The following ATP1A1 variants were observed in gnomAD, a reference collection of about 807,000 sequenced individuals.
ATP1A1 encodes the protein ATPase Na+/K+ transporting subunit alpha 1, also known as sodium/potassium-transporting ATPase subunit alpha-1.
A neutral mutation model predicts 114.8 loss-of-function variants in ATP1A1; 14 were observed. The observed-to-expected ratio is 0.12, with a 90% CI of 0.08 to 0.19. The LOEUF (loss-of-function observed/expected upper bound fraction) is 0.19, where lower values mean the gene tolerates loss of function less well. Among genes scored for constraint, ATP1A1 ranks in the 10% least tolerant of loss-of-function variants. ATP1A1 has a pLI of 1.00. For synonymous variants in ATP1A1, 471 were observed against 466.3 expected (o/e 1.01, Z -0.13); for missense variants, 524 against 1,290.7 (o/e 0.41, Z 9.10).
At chr1:116,394,970 C>G in intron 12 of ATP1A1, 140 bp from the exon 13 acceptor site, 1 of 794,798 alleles carries the variant, frequency 1.3e-6, no homozygotes, top group Non-Finnish European at 2.0e-6. Context: ...AAAACCCTCA[C>G]TCTGTTATAA....
rs1652250432 is a variant in ATP1A1, at chr1:116,388,572, T to A, written c.502-66T>A. The A allele has an allele frequency of 5.2e-6, 8 of 1,527,364 alleles. No individual in the cohort carries two copies. In the South Asian group the frequency reaches 8.6e-5, roughly 16 times the overall value. The allele number at this position is 1,527,364 out of a possible 1,614,324, so 94.6% of individuals were successfully genotyped here. On this transcript the variant is annotated intron_variant, in intron 5 of 22. Transcript: ENST00000295598. The surrounding 1 kb of genome is among the most constrained non-coding windows in gnomAD (Gnocchi z 5.6). Reference sequence around the variant, plus strand: ...ATTAGGATTATGACTATTTTTATTTTCTTGTTTTGGACACTACCTTCTCTT... The same window carrying A: ...ATTAGGATTATGACTATTTTTATTTACTTGTTTTGGACACTACCTTCTCTT...
Position 116,373,586 on chromosome 1 carries a change from C to A in ATP1A1, c.12+63C>A. On this transcript the variant is annotated intron_variant, in intron 1 of 22. Coordinates refer to ENST00000295598, the MANE Select transcript of ATP1A1 (RefSeq NM_000701.8). ...GCCCTCGAGGGGAAGAGGAGGAAGT[C>A]GGGAGGGCGACCGCGGCCAGCGGGA... 3.7e-6 allele frequency: 5 copies of A among 1,351,342 alleles called. No homozygotes were observed. The South Asian group carries it at 5.2e-5, about 14-fold the overall frequency. 83.7% of individuals were successfully genotyped at this position (1,351,342 alleles called of 1,614,324 possible).
rs1481305606 is a variant in ATP1A1 at position 116,384,492 on chromosome 1, A to G, written c.124-291A>G. 6.6e-6 allele frequency among the ~76,000 whole-genome samples: 1 copy of G among 152,180 alleles called. No homozygotes were observed. The highest frequency in any genetic ancestry group is 1.5e-5 in the Non-Finnish European group (1 of 68,030). On this transcript the variant is annotated intron_variant, in intron 2 of 22. Transcript: ENST00000295598. This position sits in a 1 kb window ranked among gnomAD's most constrained non-coding sequence, Gnocchi z 5.1. ...GACCTGGTCATCAGAGAAGGCAGAT[A>G]AGGTTTTACTAGATCCCTGAGAGCT...
At position 116,388,294 on chromosome 1, in the gene ATP1A1, A is replaced by G. The variant is rs775187399; in HGVS notation, c.501+50A>G. ...AGTGGATGACTTGACAGCCCCAAGC[A>G]TGTCAGCCTGTGAATTAGTGTGAAG... is the stretch of plus-strand genomic sequence containing the variant. On this transcript the variant is annotated intron_variant, in intron 5 of 22. Transcript: ENST00000295598. This position sits in a 1 kb window ranked among gnomAD's most constrained non-coding sequence, Gnocchi z 5.6. The G allele has an allele frequency of 2.4e-5, 34 of 1,400,834 alleles. No individual in the cohort carries two copies. The highest frequency in any genetic ancestry group is 3.2e-5 in the Non-Finnish European group (32 of 987,506). 86.8% of individuals were successfully genotyped at this position (1,400,834 alleles called of 1,614,324 possible). A position where few individuals can be genotyped will look rare whatever the true frequency, so the allele number is the denominator to read the frequency against.
At position 116,385,189 on chromosome 1, in the gene ATP1A1, GA is replaced by G. The variant is rs1221565043; in HGVS notation, c.183+349del. 3.8e-6 allele frequency: 1 copy of G among 262,256 alleles called. No homozygotes were observed. Among genetic ancestry groups the G allele is most frequent in the African/African-American group, 2.3e-5 (1 of 42,970 alleles). 16.2% of individuals were successfully genotyped at this position (262,256 alleles called of 1,614,324 possible). A position where few individuals can be genotyped will look rare whatever the true frequency, so the allele number is the denominator to read the frequency against. ...TTTTCTACATTTGTTAAATAGAGTT[GA>G]ATCTTTCACCTAGTTGAATCTTCAA... On this transcript the variant is annotated intron_variant, in intron 3 of 22. Coordinates refer to ENST00000295598, the MANE Select transcript of ATP1A1 (RefSeq NM_000701.8). The surrounding 1 kb of genome is among the most constrained non-coding windows in gnomAD (Gnocchi z 4.3).
At chr1:116,374,183 G>T (rs1275894961) in intron 1 of ATP1A1, 5 of 1,550,300 alleles carry the variant, frequency 3.2e-6, no homozygotes, top group Non-Finnish European at 4.4e-6. Flanking sequence ...GTGCGAAGCC[G>T]GCTGGGCGGG....
chr1:116,374,339 AT>A (rs1055706813), intron 1 of ATP1A1: 16 of 1,534,818 alleles, frequency 1.0e-5, no homozygotes, highest in South Asian at 3.6e-5. Flanking sequence ...AGGCGTGCAG[AT>A]TTTTTTTGAA....
intron 1 of ATP1A1, among the ~76,000 whole-genome samples, chr1:116,383,073 C>A (rs1049580455): frequency 6.6e-6 from 1 of 152,132 alleles, no homozygotes; most frequent in Non-Finnish European, 1.5e-5. Flanking sequence ...GTGGAACAAT[C>A]TAAATTTAAA....
chr1:116,386,042 CT>C (rs926663761), intron 3 of ATP1A1: 12 of 137,532 alleles, frequency 8.7e-5, no homozygotes, highest in African/African-American at 3.2e-4. Flanking sequence ...AGGAGAACTG[CT>C]TAAACCTGGG....
In ATP1A1 at chr1:116,389,563, C is replaced by T. The variant is rs1652306324; in HGVS notation, c.879C>T (p.His293=). 1 of 1,614,116 alleles carries T rather than the reference C, an allele frequency of 6.2e-7. No individual in the cohort carries two copies. Among genetic ancestry groups the T allele is most frequent in the South Asian group, 1.1e-5 (1 of 91,094 alleles). Residue 293 remains histidine, a synonymous_variant, in exon 8 of 23, where the codon CAC becomes CAT. Coordinates refer to ENST00000295598, the MANE Select transcript of ATP1A1 (RefSeq NM_000701.8). This position sits in a 1 kb window ranked among gnomAD's most constrained non-coding sequence, Gnocchi z 6.9. Reference sequence around the variant, plus strand: ...CTGCAGAAATTGAACATTTTATCCACATCATCACGGGTGTGGCTGTGTTCC... The same window carrying T: ...CTGCAGAAATTGAACATTTTATCCATATCATCACGGGTGTGGCTGTGTTCC... The part of the protein sequence containing the change: ...PIAAEIEHFI[H]IITGVAVFLG...
Position 116,373,369 on chromosome 1 carries a change from CT to C in ATP1A1, c.-142del. The C allele has an allele frequency of 2.1e-6, 1 of 485,898 alleles. No individual in the cohort carries two copies. The highest frequency in any genetic ancestry group is 3.3e-6 in the Non-Finnish European group (1 of 299,822). The allele number at this position is 485,898 out of a possible 1,614,324, so 30.1% of individuals were successfully genotyped here. A position where few individuals can be genotyped will look rare whatever the true frequency, so the allele number is the denominator to read the frequency against. On this transcript the variant is annotated 5_prime_UTR_variant, in exon 1 of 23. Transcript: ENST00000295598. ...GCATCGGCCCGAGCCGCCGGCCGCC[CT>C]CCCACCCTCCCGCCCCGCGGCAGCC...
In ATP1A1 at chr1:116,404,036, G is replaced by T. The variant is rs76876899; in HGVS notation, c.3043+61G>T. ...AGTGGGAGGGGCTATAGTTCTATTG[G>T]TTTTTTGTTTCCCTCAAGGTGTCTA... On this transcript the variant is annotated intron_variant, in intron 22 of 22. Coordinates refer to ENST00000295598, the MANE Select transcript of ATP1A1 (RefSeq NM_000701.8). The surrounding 1 kb of genome is among the most constrained non-coding windows in gnomAD (Gnocchi z 4.8). The T allele has an allele frequency of 7.5e-4, 1,149 of 1,533,682 alleles. 18 individuals carry two copies. The East Asian group carries it at 0.023, about 30-fold the overall frequency.
chr1:116,388,398 T>C lies in ATP1A1; in HGVS notation c.501+154T>C, dbSNP rs1652237853. 1.0e-6 allele frequency: 1 copy of C among 953,760 alleles called. No homozygotes were observed. Among genetic ancestry groups the C allele is most frequent in the Non-Finnish European group, 1.6e-6 (1 of 643,104 alleles). 59.1% of individuals were successfully genotyped at this position (953,760 alleles called of 1,614,324 possible). ...CCACCCAAAACCAACCTATTTTCCT[T>C]CTATCCAAAAAGTGGTAGCCTTTCT... is the stretch of plus-strand genomic sequence containing the variant. On this transcript the variant is annotated intron_variant, in intron 5 of 22. Coordinates refer to ENST00000295598, the MANE Select transcript of ATP1A1 (RefSeq NM_000701.8). The surrounding 1 kb of genome is among the most constrained non-coding windows in gnomAD (Gnocchi z 5.6).
At chr1:116,380,428 G>C (rs559162870) in intron 1 of ATP1A1, among the ~76,000 whole-genome samples, 1 of 152,344 alleles carries the variant, frequency 6.6e-6, no homozygotes, top group South Asian at 2.1e-4. Context: ...ATCCTGCCCT[G>C]TTGGAGGCTG....
At position 116,393,807 on chromosome 1, in the gene ATP1A1, A is replaced by G. The variant is rs997412185; in HGVS notation, c.1660+84A>G. The G allele has an allele frequency of 5.2e-5, 69 of 1,319,628 alleles. No individual in the cohort carries two copies. Among genetic ancestry groups the G allele is most frequent in the African/African-American group, 1.0e-4 (7 of 67,426 alleles). The allele number at this position is 1,319,628 out of a possible 1,614,324, so 81.7% of individuals were successfully genotyped here. A position where few individuals can be genotyped will look rare whatever the true frequency, so the allele number is the denominator to read the frequency against. On this transcript the variant is annotated intron_variant, in intron 12 of 22. Coordinates refer to ENST00000295598, the MANE Select transcript of ATP1A1 (RefSeq NM_000701.8). This position sits in a 1 kb window ranked among gnomAD's most constrained non-coding sequence, Gnocchi z 5.0. ...TGGTAGACAGTTAACAAGTGATCCTATGAACCTCTATGTCTTGTTGACCTT... is the reference window on the plus strand; with the variant it reads ...TGGTAGACAGTTAACAAGTGATCCTGTGAACCTCTATGTCTTGTTGACCTT...
At chr1:116,383,734 A>G (rs897236622) in intron 1 of ATP1A1, among the ~76,000 whole-genome samples, 1 of 152,232 alleles carries the variant, frequency 6.6e-6, no homozygotes, top group Non-Finnish European at 1.5e-5. Context: ...CCCCAAAAGG[A>G]AGTGGCACTG....
chr1:116,373,366 G>GCCCAGCC lies in ATP1A1; in HGVS notation c.-143_-142insAGCCCCC. 2.0e-6 allele frequency: 1 copy of GCCCAGCC among 491,886 alleles called. No individual in the cohort carries two copies. Among genetic ancestry groups the GCCCAGCC allele is most frequent in the Non-Finnish European group, 3.2e-6 (1 of 310,224 alleles). The allele number at this position is 491,886 out of a possible 1,614,324, so 30.5% of individuals were successfully genotyped here. On this transcript the variant is annotated 5_prime_UTR_variant, in exon 1 of 23. Transcript: ENST00000295598. Reference sequence around the variant, plus strand: ...GCGGCATCGGCCCGAGCCGCCGGCCGCCCTCCCACCCTCCCGCCCCGCGGC... The same window carrying GCCCAGCC: ...GCGGCATCGGCCCGAGCCGCCGGCCGCCCAGCCCCCTCCCACCCTCCCGCCCCGCGGC...
In ATP1A1 at chr1:116,401,295, A is replaced by G. The variant is rs375293961; in HGVS notation, c.2849+35A>G. 20 of 1,612,408 alleles carry G rather than the reference A, an allele frequency of 1.2e-5. No homozygotes were observed. Among genetic ancestry groups the G allele is most frequent in the Non-Finnish European group, 1.6e-5 (19 of 1,178,622 alleles). On this transcript the variant is annotated intron_variant, in intron 20 of 22. Transcript: ENST00000295598. This position sits in a 1 kb window ranked among gnomAD's most constrained non-coding sequence, Gnocchi z 4.7. ...GAAGGACATGTCAAGGCCTTGGCTC[A>G]AAGAAGGGGACTGGTGATTTGTAAA...
At position 116,393,872 on chromosome 1, in the gene ATP1A1, T is replaced by C; in HGVS notation, c.1660+149T>C. 1.2e-6 allele frequency: 1 copy of C among 800,050 alleles called. No individual in the cohort carries two copies. The highest frequency in any genetic ancestry group is 1.9e-6 in the Non-Finnish European group (1 of 524,040). 49.6% of individuals were successfully genotyped at this position (800,050 alleles called of 1,614,324 possible). A position where few individuals can be genotyped will look rare whatever the true frequency, so the allele number is the denominator to read the frequency against. On this transcript the variant is annotated intron_variant, in intron 12 of 22. Transcript: ENST00000295598. The surrounding 1 kb of genome is among the most constrained non-coding windows in gnomAD (Gnocchi z 5.0). ...AGGGGCAATCCTCCTATTTGTTTATTTGCCCCCTATTATTTTGAAAACAAT... is the reference window on the plus strand; with the variant it reads ...AGGGGCAATCCTCCTATTTGTTTATCTGCCCCCTATTATTTTGAAAACAAT...
Sources: gnomAD v4.1 joint callset for allele counts (sites outside exome capture counted in the v4.1 genomes callset) on GRCh38, gnomAD v4.1.1 for gene constraint, Gnocchi (gnomAD v3.1) non-coding constraint, MANE v1.5 for transcripts, NCBI Gene and HGNC (gene_info 2026-07-23, HGNC 2026-07-21) for gene names.